Variants in ALK observed in about 807,000 individuals in gnomAD.
The protein encoded by ALK is ALK receptor tyrosine kinase, also known as ALK tyrosine kinase receptor.
A neutral mutation model predicts 163.1 loss-of-function variants in ALK; 74 were observed. That is an observed-to-expected ratio of 0.45 (90% CI 0.38 to 0.55). ALK has a LOEUF of 0.55. ALK is among the 20% of genes least tolerant of loss of function. The pLI is 0.00. For synonymous variants in ALK, 960 were observed against 843.2 expected (o/e 1.14, Z -2.40); for missense variants, 2,063 against 2,105.3 (o/e 0.98, Z 0.39).
At chr2:29,472,929 TCTC>T in intron 4 of ALK, among the ~76,000 whole-genome samples, 1 of 152,310 alleles carries the variant, frequency 6.6e-6, no homozygotes, top group South Asian at 2.1e-4. Context: ...GAATGTCAGG[TCTC>T]CTCAAATCTG....
chr2:29,312,251 T>C (rs568035635), intron 8 of ALK, among the ~76,000 whole-genome samples: 1 of 152,064 alleles, frequency 6.6e-6, no homozygotes, highest in South Asian at 2.1e-4. Context: ...AAACCACAGG[T>C]TCCATTTTTA....
At chr2:29,826,806 G>C (rs758715847) in intron 1 of ALK, among the ~76,000 whole-genome samples, 5 of 152,184 alleles carry the variant, frequency 3.3e-5, no homozygotes, top group African/African-American at 7.2e-5. Context: ...GCATCATGTG[G>C]TTTATTTGCC....
At chr2:29,570,091 G>C (rs1264685235) in intron 3 of ALK, among the ~76,000 whole-genome samples, 1 of 152,204 alleles carries the variant, frequency 6.6e-6, no homozygotes, top group Non-Finnish European at 1.5e-5. Flanking sequence ...CCTCTGGGTA[G>C]AGTTTATCCT....
chr2:29,662,235 G>A (rs1264324078), intron 3 of ALK, among the ~76,000 whole-genome samples: 1 of 152,094 alleles, frequency 6.6e-6, no homozygotes, highest in East Asian at 1.9e-4. Context: ...TAATACATAT[G>A]TAACTAAAAG....
intron 27 of ALK, 30 bp from the exon 28 acceptor site, chr2:29,196,890 A>G (rs1458350608): frequency 6.5e-7 from 1 of 1,531,914 alleles, no homozygotes; most frequent in Admixed American, 1.7e-5. Flanking sequence ...AATTAAAATA[A>G]GGAGAAGCAC....
At chr2:29,423,188 GTCATT>G (rs1165689141) in intron 4 of ALK, among the ~76,000 whole-genome samples, 1 of 152,114 alleles carries the variant, frequency 6.6e-6, no homozygotes, top group Non-Finnish European at 1.5e-5. Flanking sequence ...TCTTCCATAT[GTCATT>G]TCATTTAATT....
Position 29,596,329 on chromosome 2 carries a change from A to G in ALK, c.953-64213T>C, listed in dbSNP as rs76285607. On this transcript the variant is annotated intron_variant, in intron 3 of 28. Coordinates refer to ENST00000389048, the MANE Select transcript of ALK (RefSeq NM_004304.5). ...TCTGGGGTTCACAGCTTAAGTCCCAATATCTTGTTTCTCCCATATCCTATC... is the reference window on the plus strand; with the variant it reads ...TCTGGGGTTCACAGCTTAAGTCCCAGTATCTTGTTTCTCCCATATCCTATC... Among the ~76,000 whole-genome samples the G allele has an allele frequency of 1.9e-3, 284 of 152,290 alleles. 6 individuals carry two copies. In the East Asian group the frequency reaches 0.053, roughly 29 times the overall value.
In ALK at chr2:29,618,409, AT is replaced by A. The variant is rs373897220; in HGVS notation, c.952+76440del. On this transcript the variant is annotated intron_variant, in intron 3 of 28. Transcript: ENST00000389048. ...ACCTTCAAGTTGTCATCAGTTTGTC[AT>A]TTTTTTTTTTTTGTTGACAAATTAA... 2.6e-3 allele frequency among the ~76,000 whole-genome samples: 380 copies of A among 145,106 alleles called. 1 individual carries two copies. Among genetic ancestry groups the A allele is most frequent in the Non-Finnish European group, 2.8e-3 (181 of 65,544 alleles).
intron 8 of ALK, among the ~76,000 whole-genome samples, chr2:29,306,792 T>C (rs1329532219): frequency 1.3e-5 from 2 of 152,210 alleles, no homozygotes; most frequent in Admixed American, 6.5e-5. Flanking sequence ...CACATCCTAG[T>C]AGATATAGGT....
At chr2:29,747,820 G>A (rs534548772) in intron 1 of ALK, among the ~76,000 whole-genome samples, 2 of 152,276 alleles carry the variant, frequency 1.3e-5, no homozygotes, top group East Asian at 3.9e-4. Context: ...TTTGATGGAA[G>A]TCTAGAGCCT....
chr2:29,812,799 T>G (rs940875867), intron 1 of ALK, among the ~76,000 whole-genome samples: 4 of 152,206 alleles, frequency 2.6e-5, no homozygotes. Context: ...GGGCTTCACG[T>G]AGTCATGCTC....
chr2:29,326,525 C>A (rs1667267825), intron 6 of ALK, among the ~76,000 whole-genome samples: 1 of 152,042 alleles, frequency 6.6e-6, no homozygotes, highest in Non-Finnish European at 1.5e-5. Flanking sequence ...ACACAGGCCC[C>A]TGAACAGGGC....
chr2:29,196,325 T>G (rs59359976), intron 28 of ALK, among the ~76,000 whole-genome samples: 3,342 of 152,368 alleles, frequency 0.022, 114 homozygotes, highest in African/African-American at 0.07. Context: ...TTTCATTCCC[T>G]TAATCCTCCT....
chr2:29,661,683 A>G (rs555486628), intron 3 of ALK, among the ~76,000 whole-genome samples: 9 of 152,292 alleles, frequency 5.9e-5, no homozygotes, highest in African/African-American at 2.2e-4. Flanking sequence ...TATACAGTAA[A>G]TAAATATGGA....
At chr2:29,569,700 G>A (rs1674300840) in intron 3 of ALK, among the ~76,000 whole-genome samples, 1 of 152,182 alleles carries the variant, frequency 6.6e-6, no homozygotes, top group African/African-American at 2.4e-5. Flanking sequence ...GGGTGGTGCT[G>A]ATTCCACCAT....
chr2:29,355,014 T>A (rs1312566722), intron 5 of ALK, among the ~76,000 whole-genome samples: 3 of 152,092 alleles, frequency 2.0e-5, no homozygotes, highest in Non-Finnish European at 4.4e-5. Flanking sequence ...GATCCACCTG[T>A]CTCGGCCTCC....
chr2:29,303,996 G>T (rs1224121153), intron 8 of ALK, among the ~76,000 whole-genome samples: 1 of 152,140 alleles, frequency 6.6e-6, no homozygotes, highest in Non-Finnish European at 1.5e-5. Flanking sequence ...ATTGCATAAC[G>T]TAACAAACCT....
chr2:29,396,106 A>G (rs1033861230), intron 4 of ALK, among the ~76,000 whole-genome samples: 2 of 152,162 alleles, frequency 1.3e-5, no homozygotes, highest in East Asian at 3.9e-4. Context: ...AGGAATGGGA[A>G]GGTAATTGTC....
Position 29,193,704 on chromosome 2 carries a change from G to T in ALK, c.4383C>A (p.Ile1461=). ...KAAKKPTAAE[I]SVRVPRGPAV... ...CCGGCCCTCTAGGGACTCGAACAGA[G>T]ATCTCTGCAGCTGTGGGTTTCTTTG... The change falls in exon 29 of 29, where the codon ATC becomes ATA. Residue 1461 remains isoleucine, a synonymous_variant. Transcript: ENST00000389048. 1.9e-6 allele frequency: 3 copies of T among 1,611,194 alleles called. No homozygotes were observed. Among genetic ancestry groups the T allele is most frequent in the Non-Finnish European group, 2.5e-6 (3 of 1,177,864 alleles).
Sources: allele counts gnomAD v4.1 joint callset (sites outside exome capture counted in the v4.1 genomes callset), GRCh38; gene constraint gnomAD v4.1.1; transcripts MANE v1.5; gene names NCBI Gene and HGNC (gene_info 2026-07-23, HGNC 2026-07-21).